The following IDE variants were observed in gnomAD, a reference collection of about 807,000 sequenced individuals.
IDE encodes insulin degrading enzyme, also known as insulin-degrading enzyme.
A neutral mutation model predicts 133.2 loss-of-function variants in IDE; 58 were observed. The observed-to-expected ratio is 0.44, with a 90% CI of 0.35 to 0.54. The LOEUF is 0.54. IDE is among the 20% of genes least tolerant of loss of function. The probability of loss-of-function intolerance (pLI) is 0.00; values close to 1 mark genes in which losing one functional copy is unlikely to be tolerated. For missense variants in IDE, 981 were observed against 1,234.0 expected (o/e 0.79, Z 3.07); for synonymous variants, 396 against 421.3 (o/e 0.94, Z 0.73).
chr10:92,477,592 A>G (rs959015068), intron 15 of IDE, among the ~76,000 whole-genome samples: 2 of 152,240 alleles, frequency 1.3e-5, no homozygotes. Flanking sequence ...ATATCATGAA[A>G]GTCTCTACGC....
chr10:92,571,037 G>A (rs1041986401), intron 1 of IDE, among the ~76,000 whole-genome samples: 18 of 151,604 alleles, frequency 1.2e-4, no homozygotes, highest in African/African-American at 3.6e-4. Context: ...CTGGAGTGCA[G>A]TGGCACGATC....
At chr10:92,469,983 A>C (rs1430603646) in intron 18 of IDE, among the ~76,000 whole-genome samples, 1 of 152,106 alleles carries the variant, frequency 6.6e-6, no homozygotes, top group Non-Finnish European at 1.5e-5. Flanking sequence ...ATGCCACCCT[A>C]TACAGAGTAG....
At position 92,507,679 on chromosome 10, in the gene IDE, G is replaced by T; in HGVS notation, c.1154-13C>A. 1 of 1,430,250 alleles carries T rather than the reference G, an allele frequency of 7.0e-7. No individual in the cohort carries two copies. The highest frequency in any genetic ancestry group is 9.9e-7 in the Non-Finnish European group (1 of 1,012,486). The allele number at this position is 1,430,250 out of a possible 1,614,324, so 88.6% of individuals were successfully genotyped here. The stretch of plus-strand genomic sequence containing the variant: ...TCTTCAACATGTACTGGAAAAAAGG[G>T]GCACACTTAAAAACCATTCAGTCCT... On this transcript the variant is annotated splice_polypyrimidine_tract_variant and intron_variant, in intron 8 of 24. Coordinates refer to ENST00000265986, the MANE Select transcript of IDE (RefSeq NM_004969.4).
chr10:92,485,531 ACTTC>A (rs1467661764), intron 13 of IDE, among the ~76,000 whole-genome samples: 1 of 152,230 alleles, frequency 6.6e-6, no homozygotes, highest in African/African-American at 2.4e-5. Flanking sequence ...TTGCCTCTCC[ACTTC>A]ACTCATGCTA....
chr10:92,459,545 C>T (rs1426519597), intron 22 of IDE, among the ~76,000 whole-genome samples: 1 of 152,082 alleles, frequency 6.6e-6, no homozygotes, highest in South Asian at 2.1e-4. Context: ...CCAGAAATGG[C>T]TAGAACATTA....
At chr10:92,543,466 C>T (rs1255495750) in intron 1 of IDE, among the ~76,000 whole-genome samples, 1 of 152,180 alleles carries the variant, frequency 6.6e-6, no homozygotes, top group Non-Finnish European at 1.5e-5. Flanking sequence ...GTTATAGGAA[C>T]AGGTACACCT....
chr10:92,456,844 C>CAAAAAAAAAAAAAAAAAAAAAAA (rs57422406), intron 22 of IDE, among the ~76,000 whole-genome samples: 3 of 52,164 alleles, frequency 5.8e-5, no homozygotes, highest in Non-Finnish European at 3.5e-5. Flanking sequence ...GACTCTGTCT[C>CAAAAAAAAAAAAAAAAAAAAAAA]AAAAAAAAAA....
Position 92,507,602 on chromosome 10 carries a change from A to G in IDE, c.1218T>C (p.Pro406=). ...TGCACTCTTGGAAAACCCATTCTTG[A>G]GGTCCTTCTGCACGTAACTTCTGAA... ...QYIQKLRAEG[P]QEWVFQECKD... Residue 406 remains proline, a synonymous_variant, in exon 9 of 25, where the codon CCT becomes CCC. Transcript: ENST00000265986. 1 of 1,607,018 alleles carries G rather than the reference A, an allele frequency of 6.2e-7. No homozygotes were observed. Among genetic ancestry groups the G allele is most frequent in the Non-Finnish European group, 8.5e-7 (1 of 1,173,532 alleles).
intron 22 of IDE, among the ~76,000 whole-genome samples, chr10:92,460,203 C>T (rs561066018): frequency 6.6e-6 from 1 of 152,214 alleles, no homozygotes; most frequent in African/African-American, 2.4e-5. Context: ...TTTTGATAGA[C>T]TTCCTAAGTG....
intron 11 of IDE, among the ~76,000 whole-genome samples, chr10:92,496,119 C>A (rs2135487502): frequency 6.6e-6 from 1 of 152,262 alleles, no homozygotes; most frequent in South Asian, 2.1e-4. Flanking sequence ...AGGTGATCCA[C>A]CTGCCTCAGC....
chr10:92,476,387 C>G (rs904236717), intron 15 of IDE, among the ~76,000 whole-genome samples: 3 of 152,162 alleles, frequency 2.0e-5, no homozygotes, highest in African/African-American at 2.4e-5. Context: ...GTTAGTCAGG[C>G]TGGTCTTGAA....
chr10:92,566,413 TCACA>T (rs3051566), intron 1 of IDE, among the ~76,000 whole-genome samples: 6 of 137,538 alleles, frequency 4.4e-5, no homozygotes, highest in Non-Finnish European at 6.2e-5. Context: ...TCTCTCTCTC[TCACA>T]CACACACACA....
intron 1 of IDE, among the ~76,000 whole-genome samples, chr10:92,565,615 G>A (rs572279077): frequency 6.6e-6 from 1 of 151,416 alleles, no homozygotes; most frequent in South Asian, 2.1e-4. Context: ...CTCCCCCACC[G>A]CATCTAAACA....
intron 3 of IDE, among the ~76,000 whole-genome samples, chr10:92,534,018 C>T (rs1044481868): frequency 1.1e-4 from 16 of 141,392 alleles, no homozygotes; most frequent in African/African-American, 4.0e-4. Context: ...TGCGAAACTC[C>T]GTCTGAAAAA....
chr10:92,519,366 C>T, intron 4 of IDE, among the ~76,000 whole-genome samples: 1 of 152,204 alleles, frequency 6.6e-6, no homozygotes, highest in East Asian at 1.9e-4. Flanking sequence ...TCATTTATGT[C>T]AAATTAAAAT....
In IDE at chr10:92,506,496, A is replaced by C. The variant is rs1848298534; in HGVS notation, c.1272T>G (p.Phe424Leu). ...CKDLNAVAFR[F>L]KDKERPRGYT... is the part of the protein sequence containing the mutation. ...AGCCCCGTGGCCTCTCTTTGTCTTT[A>C]AACCTAAAAGCAACAGCATTCAAGT... is the stretch of plus-strand genomic sequence containing the variant. Residue 424 changes from phenylalanine to leucine, a missense_variant, in exon 10 of 25, where the codon TTT (phenylalanine) becomes TTG (leucine). Phe to Leu is a conservative substitution (Grantham distance 22). Coordinates refer to ENST00000265986, the MANE Select transcript of IDE (RefSeq NM_004969.4). The C allele has an allele frequency of 1.3e-6, 2 of 1,589,070 alleles. No homozygotes were observed. The highest frequency in any genetic ancestry group is 1.3e-5 in the African/African-American group (1 of 74,484).
chr10:92,490,459 A>G, intron 12 of IDE, 34 bp downstream of exon 12: 3 of 1,290,446 alleles, frequency 2.3e-6, no homozygotes, highest in Non-Finnish European at 3.4e-6. Flanking sequence ...GATTCCTCAC[A>G]TGTCAGGCTT....
chr10:92,544,478 T>A (rs1416264363), intron 1 of IDE, among the ~76,000 whole-genome samples: 1 of 152,138 alleles, frequency 6.6e-6, no homozygotes, highest in Non-Finnish European at 1.5e-5. Flanking sequence ...AGTGGTTAAG[T>A]GACTTGCCCA....
At chr10:92,548,932 G>A (rs1464991319) in intron 1 of IDE, among the ~76,000 whole-genome samples, 1 of 152,076 alleles carries the variant, frequency 6.6e-6, no homozygotes, top group South Asian at 2.1e-4. Context: ...TAGAGGCCAG[G>A]GATGCCACTA....
Sources: gnomAD v4.1 joint callset for allele counts (sites outside exome capture counted in the v4.1 genomes callset) on GRCh38, gnomAD v4.1.1 for gene constraint, MANE v1.5 for transcripts, NCBI Gene and HGNC (gene_info 2026-07-23, HGNC 2026-07-21) for gene names.